The following MPI variants were observed in gnomAD, a reference collection of about 807,000 sequenced individuals.
The protein encoded by MPI is mannose phosphate isomerase.
Under a neutral mutation model 40.1 loss-of-function variants are expected in MPI, and 33 were observed. That is an observed-to-expected ratio of 0.82 (90% CI 0.62 to 1.10). MPI has a LOEUF of 1.10. MPI is among the 50% of genes least tolerant of loss of function. The pLI is 0.00. For missense variants in MPI, 514 were observed against 524.1 expected, an observed-to-expected ratio of 0.98 and a Z score of 0.19; for synonymous variants, 187 against 207.4, an observed-to-expected ratio of 0.90 and a Z score of 0.85.
rs941255824 is a variant in MPI at position 74,897,795 on chromosome 15, G to A, written c.*65G>A. On this transcript the variant is annotated 3_prime_UTR_variant, in exon 8 of 8. Transcript: ENST00000352410. The stretch of plus-strand genomic sequence containing the variant: ...AAATTCCAGCCAACCTCACCTCCTC[G>A]GGCCCAGCTCAAGCCCCCTTCCTTG... The A allele has an allele frequency of 1.8e-5, 27 of 1,497,550 alleles. No individual in the cohort carries two copies. The highest frequency in any genetic ancestry group is 6.8e-5 in the East Asian group (3 of 44,130). The allele number at this position is 1,497,550 out of a possible 1,614,324, so 92.8% of individuals were successfully genotyped here. A position where few individuals can be genotyped will look rare whatever the true frequency, so the allele number is the denominator to read the frequency against.
Position 74,897,646 on chromosome 15 carries a change from C to G in MPI, c.1188C>G (p.Leu396=). The G allele has an allele frequency of 6.2e-7, 1 of 1,614,218 alleles. No homozygotes were observed. The highest frequency in any genetic ancestry group is 1.1e-5 in the South Asian group (1 of 91,086). Residue 396 remains leucine, a synonymous_variant, in exon 8 of 8, where the codon CTC becomes CTG. Coordinates refer to ENST00000352410, the MANE Select transcript of MPI (RefSeq NM_002435.3). Reference sequence around the variant, plus strand: ...TCCCTCTGCAACGTGGTGGCGTGCTCTTCATTGGGGCCAATGAGAGTGTCT... The same window carrying G: ...TCCCTCTGCAACGTGGTGGCGTGCTGTTCATTGGGGCCAATGAGAGTGTCT... ...TPIPLQRGGV[L]FIGANESVSL... is the part of the protein sequence containing the mutation.
At position 74,896,169 on chromosome 15, in the gene MPI, A is replaced by G; in HGVS notation, c.688A>G (p.Met230Val). 6.2e-7 allele frequency: 1 copy of G among 1,614,060 alleles called. No homozygotes were observed. The highest frequency in any genetic ancestry group is 8.5e-7 in the Non-Finnish European group (1 of 1,180,004). Residue 230 changes from methionine to valine, a missense_variant, in exon 6 of 8, where the codon ATG becomes GTG. Transcript: ENST00000352410. ...ISQQAAAGNN[M>V]EDIFGELLLQ... is the part of the protein sequence containing the mutation. ...ACCCTCAGCGGCTGCCGGAAACAACATGGAGGACATCTTTGGGGAGCTTTT... is the reference window on the plus strand; with the variant it reads ...ACCCTCAGCGGCTGCCGGAAACAACGTGGAGGACATCTTTGGGGAGCTTTT...
In MPI at chr15:74,899,489, A is replaced by G. The variant is rs1370925474; in HGVS notation, c.*1759A>G. On this transcript the variant is annotated 3_prime_UTR_variant, in exon 8 of 8. Coordinates refer to ENST00000352410, the MANE Select transcript of MPI (RefSeq NM_002435.3). ...CTACAGAAGTGACTTGCAAGAGCCTATTTCACTCATGCCGTCCAGTGAAAC... is the reference window on the plus strand; with the variant it reads ...CTACAGAAGTGACTTGCAAGAGCCTGTTTCACTCATGCCGTCCAGTGAAAC... The G allele has an allele frequency of 6.6e-6, 1 of 152,190 alleles. No homozygotes were observed. The highest frequency in any genetic ancestry group is 2.4e-5 in the African/African-American group (1 of 41,442). The allele number at this position is 152,190 out of a possible 1,614,324, so 9.4% of individuals were successfully genotyped here. A position where few individuals can be genotyped will look rare whatever the true frequency, so the allele number is the denominator to read the frequency against.
Position 74,891,530 on chromosome 15 carries a change from A to T in MPI, c.296A>T (p.Lys99Ile). The T allele has an allele frequency of 6.2e-7, 1 of 1,614,180 alleles. No individual in the cohort carries two copies. The highest frequency in any genetic ancestry group is 1.1e-5 in the South Asian group (1 of 91,090). Reference sequence around the variant, plus strand: ...AATGGCAACCTGCCCTTCCTCTTCAAAGTGCTCTCAGTTGAAACACCCCTG... The same window carrying T: ...AATGGCAACCTGCCCTTCCTCTTCATAGTGCTCTCAGTTGAAACACCCCTG... ...TFNGNLPFLF[K>I]VLSVETPLSI... The change falls in exon 3 of 8, where the codon AAA becomes ATA. Residue 99 changes from lysine to isoleucine, a missense_variant. Transcript: ENST00000352410.
At position 74,890,637 on chromosome 15, in the gene MPI, G is replaced by C. The variant is rs1293697697; in HGVS notation, c.127G>C (p.Asp43His). Residue 43 changes from aspartate to histidine, a missense_variant, in exon 2 of 8, where the codon GAC becomes CAC. Transcript: ENST00000352410. ...SSDPLAQIAE[D>H]KPYAELWMGT... is the part of the protein sequence containing the mutation. ...TGATCCACTGGCCCAGATCGCAGAG[G>C]ACAAGCCTTATGCAGAGGTGAGCCC... 7 of 1,613,906 alleles carry C rather than the reference G, an allele frequency of 4.3e-6. No individual in the cohort carries two copies. Among genetic ancestry groups the C allele is most frequent in the Admixed American group, 3.3e-5 (2 of 60,004 alleles).
Position 74,891,474 on chromosome 15 carries a change from C to G in MPI, c.240C>G (p.Asp80Glu). The change falls in exon 3 of 8, where the codon GAC becomes GAG. Residue 80 changes from aspartate to glutamate, a missense_variant. Coordinates refer to ENST00000352410, the MANE Select transcript of MPI (RefSeq NM_002435.3). Reference sequence around the variant, plus strand: ...GCCAGTGGATTGCTGAGAACCAGGACAGCTTGGGCTCAAAGGTCAAGGACA... The same window carrying G: ...GCCAGTGGATTGCTGAGAACCAGGAGAGCTTGGGCTCAAAGGTCAAGGACA... ...TLSQWIAENQ[D>E]SLGSKVKDTF... 6.2e-7 allele frequency: 1 copy of G among 1,614,220 alleles called. No homozygotes were observed.
intron 5 of MPI, chr15:74,893,886 G>A (rs567863681): frequency 1.0e-3 from 170 of 168,174 alleles, no homozygotes; most frequent in Non-Finnish European, 1.7e-3. Context: ...CTTATGTGGT[G>A]CAGGCGATGA....
intron 1 of MPI, 192 bp from the exon 2 acceptor site, chr15:74,890,335 G>A (rs1295437715): frequency 2.3e-5 from 20 of 860,064 alleles, no homozygotes; most frequent in Middle Eastern, 3.0e-4. Flanking sequence ...ATCAGCACAA[G>A]GTCCTTACTG....
At chr15:74,890,788 G>A in intron 2 of MPI, 134 bp downstream of exon 2, 1 of 1,161,148 alleles carries the variant, frequency 8.6e-7, no homozygotes, top group Non-Finnish European at 1.3e-6. Context: ...TCAGGCTAAT[G>A]GACTAGATAG....
intron 2 of MPI, 62 bp from the exon 3 acceptor site, chr15:74,891,317 C>A: frequency 6.6e-7 from 1 of 1,513,382 alleles, no homozygotes; most frequent in Non-Finnish European, 9.2e-7. Context: ...CGGATTGGGA[C>A]AGGCCAACTC....
In MPI at chr15:74,897,215, C is replaced by A; in HGVS notation, c.1049C>A (p.Thr350Lys). ...GTACCAGACTTCACCATTATGAAGA[C>A]GGAGGTGAGTGAGGGGCTATGATGG... Reference protein sequence around the residue: ...PPVPDFTIMKTEVPGSVTEYK... With the variant: ...PPVPDFTIMKKEVPGSVTEYK... Residue 350 changes from threonine to lysine, a missense_variant, in exon 7 of 8, where the codon ACG (threonine) becomes AAG (lysine). Physicochemically the swap from Thr to Lys is moderately conservative, Grantham distance 78. Transcript: ENST00000352410. The A allele has an allele frequency of 6.2e-7, 1 of 1,613,984 alleles. No homozygotes were observed. Among genetic ancestry groups the A allele is most frequent in the Non-Finnish European group, 8.5e-7 (1 of 1,179,908 alleles).
In MPI at chr15:74,897,094, GAA is replaced by G; in HGVS notation, c.930_931del (p.Glu310AspfsTer7). The G allele has an allele frequency of 6.2e-7, 1 of 1,614,174 alleles. No homozygotes were observed. Among genetic ancestry groups the G allele is most frequent in the Non-Finnish European group, 8.5e-7 (1 of 1,180,028 alleles). On this transcript the variant is annotated frameshift_variant, in exon 7 of 8. Transcript: ENST00000352410. LOFTEE classifies it high-confidence loss of function. ...GTTCATTGATGTGCCAACCCTGTGT[GAA>G]ATGCTCAGCTATACCCCTAGCTCCA... ...PKFIDVPTLC[E>X]MLSYTPSSSK...
chr15:74,900,858 T>C lies in MPI; in HGVS notation c.*3128T>C, dbSNP rs948796325. 1 of 152,236 alleles carries C rather than the reference T, an allele frequency of 6.6e-6. No homozygotes were observed. The highest frequency in any genetic ancestry group is 1.9e-4 in the East Asian group (1 of 5,202). The allele number at this position is 152,236 out of a possible 1,614,324, so 9.4% of individuals were successfully genotyped here. On this transcript the variant is annotated 3_prime_UTR_variant, in exon 8 of 8. Transcript: ENST00000352410. Reference sequence around the variant, plus strand: ...GTAGAGTAAGTCAGCCCCCAGATACTGTATATTCCTCTCAACCTTCCATGG... The same window carrying C: ...GTAGAGTAAGTCAGCCCCCAGATACCGTATATTCCTCTCAACCTTCCATGG...
At chr15:74,893,099 C>G in intron 4 of MPI, 39 bp from the exon 5 acceptor site, 1 of 1,612,014 alleles carries the variant, frequency 6.2e-7, no homozygotes, top group Non-Finnish European at 8.5e-7. Context: ...TTCCATCTTA[C>G]CATTCCTGAT....
At chr15:74,892,934 AGCCAGTGAGCCAG>A in intron 4 of MPI, 132 bp downstream of exon 4, 2 of 1,452,280 alleles carry the variant, frequency 1.4e-6, no homozygotes, top group South Asian at 1.2e-5. Context: ...CAGTTTTTGG[AGCCAGTGAGCCAG>A]GCCAGTGAGA....
chr15:74,891,549 AC>A lies in MPI; in HGVS notation c.319del (p.Leu107CysfsTer52), dbSNP rs2064727120. ...TCTTCAAAGTGCTCTCAGTTGAAACACCCCTGTCCATCCAGGCACACCCTAA... is the reference window on the plus strand; with the variant it reads ...TCTTCAAAGTGCTCTCAGTTGAAACACCCTGTCCATCCAGGCACACCCTAA... The part of the protein sequence containing the change: ...FLFKVLSVET[P>X]LSIQAHPNKE... On this transcript the variant is annotated frameshift_variant, in exon 3 of 8. Coordinates refer to ENST00000352410, the MANE Select transcript of MPI (RefSeq NM_002435.3). LOFTEE classifies it high-confidence loss of function. The A allele has an allele frequency of 6.2e-7, 1 of 1,613,996 alleles. No homozygotes were observed. The highest frequency in any genetic ancestry group is 1.3e-5 in the African/African-American group (1 of 74,896).
rs1252042572 is a variant in MPI at position 74,901,955 on chromosome 15, C to T, written c.*4225C>T. The stretch of plus-strand genomic sequence containing the variant: ...ACCAGAATCACTAAACTCACCCGGA[C>T]GGTTGGACCAGTTGGGGATGCCCCA... On this transcript the variant is annotated 3_prime_UTR_variant, in exon 8 of 8. Coordinates refer to ENST00000352410, the MANE Select transcript of MPI (RefSeq NM_002435.3). 3 of 396,688 alleles carry T rather than the reference C, an allele frequency of 7.6e-6. No individual in the cohort carries two copies. Among genetic ancestry groups the T allele is most frequent in the South Asian group, 1.4e-4 (1 of 7,024 alleles). 24.6% of individuals were successfully genotyped at this position (396,688 alleles called of 1,614,324 possible). A position where few individuals can be genotyped will look rare whatever the true frequency, so the allele number is the denominator to read the frequency against.
Position 74,902,025 on chromosome 15 carries a change from A to C in MPI, c.*4295A>C. 1 of 398,264 alleles carries C rather than the reference A, an allele frequency of 2.5e-6. No individual in the cohort carries two copies. The highest frequency in any genetic ancestry group is 4.4e-6 in the Non-Finnish European group (1 of 225,918). The allele number at this position is 398,264 out of a possible 1,614,324, so 24.7% of individuals were successfully genotyped here. ...CCAGGATCCTGCTGTATCATTAAGC[A>C]ACCTGCTATGATCCCTGTCATAGTT... On this transcript the variant is annotated 3_prime_UTR_variant, in exon 8 of 8. Coordinates refer to ENST00000352410, the MANE Select transcript of MPI (RefSeq NM_002435.3).
At chr15:74,891,190 C>G (rs2064720691) in intron 2 of MPI, among the ~76,000 whole-genome samples, 189 bp from the exon 3 acceptor site, 1 of 152,258 alleles carries the variant, frequency 6.6e-6, no homozygotes, top group Non-Finnish European at 1.5e-5. Flanking sequence ...GAGGCCGAGT[C>G]TGGACAAGGG....
Sources: allele counts gnomAD v4.1 joint callset (sites outside exome capture counted in the v4.1 genomes callset), GRCh38; gene constraint gnomAD v4.1.1; transcripts MANE v1.5; gene names NCBI Gene and HGNC (gene_info 2026-07-23, HGNC 2026-07-21).